SH2D4B: variants seen among roughly 807,000 people sequenced by gnomAD.
SH2D4B encodes the protein SH2 domain-containing protein 4B.
In SH2D4B, 45 loss-of-function variants were observed where a neutral mutation model predicts 61.5. The ratio of observed to expected loss-of-function variants is 0.73; its 90% CI spans 0.58 to 0.94. The LOEUF (loss-of-function observed/expected upper bound fraction) is 0.94. Ranked by LOEUF, SH2D4B falls within the 40% of genes least tolerant of loss-of-function variation. The pLI, the probability that SH2D4B is intolerant of heterozygous loss-of-function variation, is 0.00. For synonymous variants in SH2D4B, 224 were observed against 220.4 expected (o/e 1.02, Z -0.14); for missense variants, 572 against 574.2 (o/e 1.00, Z 0.04).
intron 3 of SH2D4B, among the ~76,000 whole-genome samples, chr10:80,576,556 T>A (rs1842127458): frequency 6.6e-6 from 1 of 152,134 alleles, no homozygotes; most frequent in Non-Finnish European, 1.5e-5. Flanking sequence ...CACTGCCCTT[T>A]TGCTGTGTGG....
Position 80,538,336 on chromosome 10 carries a change from T to C in SH2D4B, c.5T>C (p.Leu2Pro). The change falls in exon 1 of 8, where the codon CTG becomes CCG. Residue 2 changes from leucine (L) to proline (P), a missense_variant. Physicochemically the swap from Leu to Pro is moderately conservative, Grantham distance 98. Transcript: ENST00000646907. The surrounding 1 kb of genome is among the most constrained non-coding windows in gnomAD (Gnocchi z 4.8). ...GCGTGCATCCCAGGTGGCATCATGC[T>C]GCAGCAGATCCTGCACGACATGTAC... MLQQILHDMYID... is the reference protein window; with the variant it reads MPQQILHDMYID... 7.4e-7 allele frequency: 1 copy of C among 1,346,490 alleles called. No homozygotes were observed. The allele number at this position is 1,346,490 out of a possible 1,614,324, so 83.4% of individuals were successfully genotyped here. A position where few individuals can be genotyped will look rare whatever the true frequency, so the allele number is the denominator to read the frequency against.
At chr10:80,592,253 AG>A (rs1842337908) in intron 4 of SH2D4B, among the ~76,000 whole-genome samples, 1 of 152,148 alleles carries the variant, frequency 6.6e-6, no homozygotes, top group Non-Finnish European at 1.5e-5. Context: ...GAGTTGCCAG[AG>A]TTCACTATAT....
Position 80,644,412 on chromosome 10 carries a change from C to T in SH2D4B, c.*327C>T, listed in dbSNP as rs997446872. On this transcript the variant is annotated 3_prime_UTR_variant, in exon 8 of 8. Coordinates refer to ENST00000646907, the MANE Select transcript of SH2D4B (RefSeq NM_001388272.1). ...ATGTTTTAATAATCCAAAATAATTC[C>T]AGTGCCGAACCCTGAATTTAACATA... is the stretch of plus-strand genomic sequence containing the variant. 4.6e-6 allele frequency: 1 copy of T among 218,306 alleles called. No individual in the cohort carries two copies. Among genetic ancestry groups the T allele is most frequent in the Non-Finnish European group, 8.9e-6 (1 of 111,758 alleles). The allele number at this position is 218,306 out of a possible 1,614,324, so 13.5% of individuals were successfully genotyped here.
chr10:80,603,604 G>A lies in SH2D4B; in HGVS notation c.669G>A (p.Glu223=), dbSNP rs1184036385. 3.2e-6 allele frequency: 5 copies of A among 1,570,302 alleles called. No homozygotes were observed. Reference sequence around the variant, plus strand: ...TGCGCCGGTCCAAGGCGGCTGATGAGGAGAGGAGCCGCCGAGCCCAGCGCG... The same window carrying A: ...TGCGCCGGTCCAAGGCGGCTGATGAAGAGAGGAGCCGCCGAGCCCAGCGCG... The part of the protein sequence containing the change: ...EQLRRSKAAD[E]ERSRRAQRAR... Residue 223 remains glutamate (E), a synonymous_variant, in exon 5 of 8, where the codon GAG becomes GAA. Transcript: ENST00000646907.
At chr10:80,595,517 T>C (rs1842376264) in intron 4 of SH2D4B, among the ~76,000 whole-genome samples, 1 of 152,170 alleles carries the variant, frequency 6.6e-6, no homozygotes, top group African/African-American at 2.4e-5. Context: ...GTGAAACCCT[T>C]TGGGCTGTGT....
intron 6 of SH2D4B, among the ~76,000 whole-genome samples, chr10:80,610,432 A>C (rs1842582615): frequency 6.6e-6 from 1 of 152,116 alleles, no homozygotes; most frequent in South Asian, 2.1e-4. Context: ...TGGGAAGAAA[A>C]TGTTTGGATT....
At position 80,588,617 on chromosome 10, in the gene SH2D4B, CATGACA is replaced by C. The variant is rs779729795; in HGVS notation, c.496-12_496-7del. The C allele has an allele frequency of 6.2e-7, 1 of 1,613,422 alleles. No homozygotes were observed. The highest frequency in any genetic ancestry group is 8.5e-7 in the Non-Finnish European group (1 of 1,179,890). ...TGGTCATCTCGTGTTGTTCTGTTCC[CATGACA>C]TTTTAGAGGAAAGAGGAAGAGGAGA... On this transcript the variant is annotated splice_polypyrimidine_tract_variant and splice_region_variant and intron_variant, in intron 3 of 7. Transcript: ENST00000646907.
At chr10:80,555,864 G>A (rs1422495126) in intron 1 of SH2D4B, among the ~76,000 whole-genome samples, 1 of 152,068 alleles carries the variant, frequency 6.6e-6, no homozygotes, top group African/African-American at 2.4e-5. Context: ...AAGAACAGGC[G>A]TGTTCGTGCC....
intron 6 of SH2D4B, among the ~76,000 whole-genome samples, chr10:80,611,119 G>A (rs1413421523): frequency 7.2e-6 from 1 of 139,336 alleles, no homozygotes; most frequent in Admixed American, 7.9e-5. Context: ...AGGTTGCAGA[G>A]AGCCGAGATT....
At chr10:80,596,123 T>G (rs1367200855) in intron 4 of SH2D4B, among the ~76,000 whole-genome samples, 2 of 152,222 alleles carry the variant, frequency 1.3e-5, no homozygotes, top group Non-Finnish European at 2.9e-5. Flanking sequence ...AATGCAACAT[T>G]GTGGTCAAAG....
At chr10:80,590,633 G>C (rs1234760817) in intron 4 of SH2D4B, among the ~76,000 whole-genome samples, 1 of 152,112 alleles carries the variant, frequency 6.6e-6, no homozygotes, top group Non-Finnish European at 1.5e-5. Flanking sequence ...GGAGAGCAGA[G>C]ATGTGAGGTG....
intron 1 of SH2D4B, among the ~76,000 whole-genome samples, chr10:80,559,751 C>G (rs565343150): frequency 6.6e-6 from 1 of 151,220 alleles, no homozygotes; most frequent in Admixed American, 6.6e-5. Context: ...GATCCTCCTG[C>G]CTAAGCCTCC....
At chr10:80,546,205 C>T (rs764859889) in intron 1 of SH2D4B, among the ~76,000 whole-genome samples, 4 of 131,326 alleles carry the variant, frequency 3.0e-5, no homozygotes, top group Non-Finnish European at 6.2e-5. Flanking sequence ...CCACCATGCA[C>T]GGCTAATTTT....
intron 4 of SH2D4B, among the ~76,000 whole-genome samples, chr10:80,600,978 A>T (rs771410437): frequency 1.6e-4 from 24 of 152,104 alleles, no homozygotes; most frequent in Non-Finnish European, 3.2e-4. Flanking sequence ...TCGTCACAAT[A>T]CAAGGCTGGT....
intron 6 of SH2D4B, among the ~76,000 whole-genome samples, chr10:80,627,144 G>T: frequency 6.6e-6 from 1 of 152,156 alleles, no homozygotes; most frequent in Non-Finnish European, 1.5e-5. Flanking sequence ...GAGGGTAGGG[G>T]TCAGAGAGCC....
intron 4 of SH2D4B, among the ~76,000 whole-genome samples, chr10:80,596,729 G>T (rs1184373964): frequency 1.3e-5 from 2 of 152,186 alleles, no homozygotes; most frequent in Admixed American, 1.3e-4. Context: ...AAGTTTGTTT[G>T]AAATAACAGA....
intron 3 of SH2D4B, among the ~76,000 whole-genome samples, chr10:80,584,561 T>C (rs1198162997): frequency 6.6e-6 from 1 of 152,226 alleles, no homozygotes; most frequent in African/African-American, 2.4e-5. Context: ...AAACATATCA[T>C]TATTTAAGAG....
intron 5 of SH2D4B, among the ~76,000 whole-genome samples, 181 bp from the exon 6 acceptor site, chr10:80,609,243 G>A (rs866431178): frequency 6.6e-6 from 1 of 152,068 alleles, no homozygotes; most frequent in Non-Finnish European, 1.5e-5. Context: ...GCATGGATAT[G>A]GGCACCATGC....
chr10:80,586,369 T>A (rs985112755), intron 3 of SH2D4B, among the ~76,000 whole-genome samples: 3 of 152,010 alleles, frequency 2.0e-5, no homozygotes, highest in African/African-American at 7.3e-5. Context: ...AACCTTTATG[T>A]CTAGCTAGGG....
Sources: gnomAD v4.1 joint callset for allele counts (sites outside exome capture counted in the v4.1 genomes callset) on GRCh38, gnomAD v4.1.1 for gene constraint, Gnocchi (gnomAD v3.1) non-coding constraint, MANE v1.5 for transcripts, NCBI Gene and HGNC (gene_info 2026-07-23, HGNC 2026-07-21) for gene names.